ADGB: variants seen among roughly 807,000 people sequenced by gnomAD.
ADGB encodes the protein calpain-7-like protein.
Under a neutral mutation model 210.5 loss-of-function variants are expected in ADGB, and 172 were observed. The observed-to-expected ratio is 0.82, with a 90% confidence interval of 0.72 to 0.93. The LOEUF is 0.93. ADGB is among the 40% of genes least tolerant of loss of function. The pLI is 0.00. For missense variants in ADGB, 2,025 were observed against 1,964.8 expected, an observed-to-expected ratio of 1.03 and a Z score of -0.58; for synonymous variants, 658 against 662.7, an observed-to-expected ratio of 0.99 and a Z score of 0.11.
At chr6:146,760,713 A>C (rs1171246435) in intron 27 of ADGB, among the ~76,000 whole-genome samples, 1 of 151,902 alleles carries the variant, frequency 6.6e-6, no homozygotes, top group African/African-American at 2.4e-5. Flanking sequence ...ATCATTTTAC[A>C]TTCCCGACAA....
intron 33 of ADGB, among the ~76,000 whole-genome samples, chr6:146,797,698 A>G (rs535127629): frequency 6.6e-6 from 1 of 152,276 alleles, no homozygotes; most frequent in East Asian, 1.9e-4. Context: ...TCTCACTTAT[A>G]AGTGGGAGCT....
rs2114597643 is a variant in ADGB, at chr6:146,740,547, G to A, written c.2977G>A (p.Val993Met). 2 of 1,550,846 alleles carry A rather than the reference G, an allele frequency of 1.3e-6. No homozygotes were observed. The highest frequency in any genetic ancestry group is 4.9e-5 in the East Asian group (2 of 40,788). Residue 993 changes from valine to methionine, a missense_variant, in exon 24 of 36, where the codon GTG becomes ATG. Transcript: ENST00000397944. Reference sequence around the variant, plus strand: ...TAAGATTGCTTTTGCAGATTATACTGTGACTTATCAAGAACAGCCACCAAA... The same window carrying A: ...TAAGATTGCTTTTGCAGATTATACTATGACTTATCAAGAACAGCCACCAAA... ...ETKIAFADYT[V>M]TYQEQPPNSW...
intron 9 of ADGB, among the ~76,000 whole-genome samples, chr6:146,680,731 G>T (rs548769028): frequency 2.0e-5 from 3 of 152,214 alleles, no homozygotes; most frequent in Admixed American, 1.3e-4. Context: ...CTGTTAGCAA[G>T]ATATTTCAAA....
At chr6:146,790,704 C>T (rs1777943092) in intron 33 of ADGB, among the ~76,000 whole-genome samples, 1 of 152,160 alleles carries the variant, frequency 6.6e-6, no homozygotes, top group Non-Finnish European at 1.5e-5. Context: ...GGATATATAC[C>T]CACAGGCAGG....
chr6:146,736,437 A>G, intron 22 of ADGB, 61 bp from the exon 23 acceptor site: 1 of 1,092,164 alleles, frequency 9.2e-7, no homozygotes, highest in Non-Finnish European at 1.3e-6. Flanking sequence ...AAGGCTTTGG[A>G]CAAGATGATC....
intron 1 of ADGB, among the ~76,000 whole-genome samples, chr6:146,601,667 T>G (rs867226779): frequency 6.6e-6 from 1 of 152,186 alleles, no homozygotes; most frequent in Non-Finnish European, 1.5e-5. Flanking sequence ...CTCTAACATG[T>G]TCCTGGATAT....
At chr6:146,602,240 G>A (rs909090763) in intron 1 of ADGB, among the ~76,000 whole-genome samples, 14 of 152,082 alleles carry the variant, frequency 9.2e-5, no homozygotes, top group African/African-American at 3.4e-4. Flanking sequence ...CTTCTTTAAA[G>A]GGAGGGTCCT....
intron 12 of ADGB, among the ~76,000 whole-genome samples, chr6:146,697,741 CTT>C (rs944736133): frequency 6.6e-6 from 1 of 152,126 alleles, no homozygotes; most frequent in Admixed American, 6.6e-5. Context: ...AAACTCAAAT[CTT>C]AACGGCCAAA....
At chr6:146,664,761 A>G (rs1315510846) in intron 6 of ADGB, among the ~76,000 whole-genome samples, 1 of 152,060 alleles carries the variant, frequency 6.6e-6, no homozygotes, top group Non-Finnish European at 1.5e-5. Flanking sequence ...AAAAACCTGA[A>G]CTTTTCTGAA....
At chr6:146,766,861 G>A (rs535650924) in intron 28 of ADGB, among the ~76,000 whole-genome samples, 43 of 152,260 alleles carry the variant, frequency 2.8e-4, no homozygotes, top group African/African-American at 1.0e-3. Flanking sequence ...TTCTAGCAGT[G>A]TATTAAGCAA....
chr6:146,639,397 T>G (rs930825157), intron 2 of ADGB: 1 of 151,980 alleles, frequency 6.6e-6, no homozygotes, highest in African/African-American at 2.4e-5. Flanking sequence ...GAGCCATCTA[T>G]GAAAAACCCA....
chr6:146,789,653 A>G (rs778075707), intron 33 of ADGB, among the ~76,000 whole-genome samples: 1 of 152,214 alleles, frequency 6.6e-6, no homozygotes, highest in African/African-American at 2.4e-5. Flanking sequence ...TGCCCATTCA[A>G]TAGGTAATAG....
intron 13 of ADGB, among the ~76,000 whole-genome samples, chr6:146,709,652 T>A (rs1776631717): frequency 6.6e-6 from 1 of 152,070 alleles, no homozygotes; most frequent in Admixed American, 6.5e-5. Flanking sequence ...GCCACCAGGG[T>A]CTATTGGGTG....
intron 13 of ADGB, among the ~76,000 whole-genome samples, chr6:146,711,616 C>G (rs1207661691): frequency 6.6e-6 from 1 of 152,178 alleles, no homozygotes; most frequent in East Asian, 1.9e-4. Context: ...ATTCCATTCT[C>G]CCACCTAATT....
At chr6:146,643,382 T>G (rs1269639432) in intron 2 of ADGB, among the ~76,000 whole-genome samples, 1 of 151,942 alleles carries the variant, frequency 6.6e-6, no homozygotes, top group Non-Finnish European at 1.5e-5. Context: ...CTTCCTGTCC[T>G]TATTAACTCA....
At chr6:146,786,945 C>G (rs1402247260) in intron 32 of ADGB, among the ~76,000 whole-genome samples, 1 of 152,026 alleles carries the variant, frequency 6.6e-6, no homozygotes, top group African/African-American at 2.4e-5. Flanking sequence ...ACCGTAGATA[C>G]AACAGGAACA....
At chr6:146,602,946 G>A (rs890318186) in intron 1 of ADGB, among the ~76,000 whole-genome samples, 1 of 152,108 alleles carries the variant, frequency 6.6e-6, no homozygotes, top group East Asian at 1.9e-4. Flanking sequence ...AAAAAGGTTG[G>A]GGATGGCTGC....
intron 13 of ADGB, among the ~76,000 whole-genome samples, chr6:146,711,879 A>C (rs111815205): frequency 2.1e-4 from 32 of 152,096 alleles, no homozygotes; most frequent in South Asian, 1.2e-3. Flanking sequence ...AACAAACAAA[A>C]AAAAACAACA....
At chr6:146,813,358 T>A (rs1443182722) in intron 35 of ADGB, among the ~76,000 whole-genome samples, 1 of 152,128 alleles carries the variant, frequency 6.6e-6, no homozygotes, top group Non-Finnish European at 1.5e-5. Context: ...CCGTTGGTGG[T>A]TTATTGTGTT....
Sources: allele counts gnomAD v4.1 joint callset (sites outside exome capture counted in the v4.1 genomes callset), GRCh38; gene constraint gnomAD v4.1.1; transcripts MANE v1.5; gene names NCBI Gene and HGNC (gene_info 2026-07-23, HGNC 2026-07-21).